Variants in SLC7A1 observed in about 807,000 individuals in gnomAD.
SLC7A1 encodes the protein solute carrier family 7 member 1.
A neutral mutation model predicts 53.9 loss-of-function variants in SLC7A1; 10 were observed. The ratio of observed to expected loss-of-function variants is 0.19; its 90% CI spans 0.11 to 0.31. SLC7A1 has a LOEUF of 0.31. SLC7A1 is among the 10% of genes least tolerant of loss of function. SLC7A1 has a pLI of 1.00. For missense variants in SLC7A1, 525 were observed against 827.2 expected, an observed-to-expected ratio of 0.63 and a Z score of 4.48; for synonymous variants, 342 against 338.7, an observed-to-expected ratio of 1.01 and a Z score of -0.11.
chr13:29,561,600 G>C (rs1222608734), intron 1 of SLC7A1, among the ~76,000 whole-genome samples: 1 of 152,156 alleles, frequency 6.6e-6, no homozygotes, highest in Non-Finnish European at 1.5e-5. Flanking sequence ...TGAGTTTTTT[G>C]TTAAAAGCAT....
chr13:29,523,195 T>TGGTTA, intron 7 of SLC7A1, 71 bp downstream of exon 7: 6 of 1,264,586 alleles, frequency 4.7e-6, no homozygotes, highest in Non-Finnish European at 5.7e-6. Flanking sequence ...TGGCTGTACC[T>TGGTTA]GGCCTGCTAT....
At chr13:29,535,335 T>C (rs1869356993) in intron 3 of SLC7A1, among the ~76,000 whole-genome samples, 1 of 152,254 alleles carries the variant, frequency 6.6e-6, no homozygotes, top group South Asian at 2.1e-4. Context: ...GTTTACTATA[T>C]ATTGTTTTAT....
chr13:29,583,599 G>A (rs1593584437), intron 1 of SLC7A1, among the ~76,000 whole-genome samples: 3 of 152,272 alleles, frequency 2.0e-5, no homozygotes, highest in Admixed American at 2.0e-4. Flanking sequence ...AAGTGACTTG[G>A]ATTTGTGCAG....
intron 2 of SLC7A1, among the ~76,000 whole-genome samples, chr13:29,542,470 G>A (rs765414368): frequency 1.3e-5 from 2 of 151,850 alleles, no homozygotes; most frequent in East Asian, 1.9e-4. Flanking sequence ...AAAAGACTAC[G>A]TGGGCTCATT....
rs1254754079 is a variant in SLC7A1 at position 29,510,312 on chromosome 13, TGAC to T, written c.*4165_*4167del. 17 of 152,734 alleles carry T rather than the reference TGAC, an allele frequency of 1.1e-4. No individual in the cohort carries two copies. Among genetic ancestry groups the T allele is most frequent in the Admixed American group, 5.9e-4 (9 of 15,298 alleles). 9.5% of individuals were successfully genotyped at this position (152,734 alleles called of 1,614,324 possible). ...ATCGAGGGGTGAAGATGGAGTCGGCTGACATTTTTTGCCTTAAAAATACATTAG... is the reference window on the plus strand; with the variant it reads ...ATCGAGGGGTGAAGATGGAGTCGGCTATTTTTTGCCTTAAAAATACATTAG... On this transcript the variant is annotated 3_prime_UTR_variant, in exon 13 of 13. Transcript: ENST00000380752.
chr13:29,565,958 C>T (rs745852549), intron 1 of SLC7A1, among the ~76,000 whole-genome samples: 2 of 152,198 alleles, frequency 1.3e-5, no homozygotes, highest in Non-Finnish European at 2.9e-5. Flanking sequence ...TCTCAAAAGG[C>T]AGTGAGTTAG....
chr13:29,514,566 C>A lies in SLC7A1; in HGVS notation c.1804G>T (p.Gly602Cys). 1 of 1,609,718 alleles carries A rather than the reference C, an allele frequency of 6.2e-7. No homozygotes were observed. The change falls in exon 13 of 13, where the codon GGC becomes TGC. Residue 602 changes from glycine to cysteine, a missense_variant. Around this residue, in one of 4 missense-constraint regions of SLC7A1, gnomAD observed 41 missense variants for 61.3 expected, o/e 0.67. Coordinates refer to ENST00000380752, the MANE Select transcript of SLC7A1 (RefSeq NM_003045.5). The stretch of plus-strand genomic sequence containing the variant: ...TCCTCGCTGTGCCACAGGCCATAGC[C>A]AAAGTAGATGATGAAGCCTGCGGGC... Reference protein sequence around the residue: ...WMLIGFIIYFGYGLWHSEEAS... With the variant: ...WMLIGFIIYFCYGLWHSEEAS...
At chr13:29,588,471 T>G (rs914512263) in intron 1 of SLC7A1, among the ~76,000 whole-genome samples, 4 of 151,426 alleles carry the variant, frequency 2.6e-5, no homozygotes, top group African/African-American at 9.7e-5. Context: ...TACCCAGGAG[T>G]TCCTTGCACT....
At chr13:29,581,587 A>G (rs1871647934) in intron 1 of SLC7A1, among the ~76,000 whole-genome samples, 1 of 152,240 alleles carries the variant, frequency 6.6e-6, no homozygotes, top group African/African-American at 2.4e-5. Context: ...ACTACAGCAT[A>G]CAGCCAAGCA....
intron 6 of SLC7A1, among the ~76,000 whole-genome samples, chr13:29,523,888 T>C (rs1330259260): frequency 2.0e-5 from 3 of 152,210 alleles, no homozygotes; most frequent in African/African-American, 7.2e-5. Context: ...CACACAGCTA[T>C]GATCCCATTC....
intron 4 of SLC7A1, among the ~76,000 whole-genome samples, chr13:29,532,170 T>C (rs1458981947): frequency 2.0e-5 from 3 of 152,240 alleles, no homozygotes; most frequent in Non-Finnish European, 2.9e-5. Flanking sequence ...AGAATTTATC[T>C]GCATTTCAGC....
At chr13:29,566,593 GTTGTGTACGGC>G in intron 1 of SLC7A1, among the ~76,000 whole-genome samples, 1 of 152,216 alleles carries the variant, frequency 6.6e-6, no homozygotes, top group Non-Finnish European at 1.5e-5. Context: ...GAAATAAGTG[GTTGTGTACGGC>G]TTGGCTACGG....
intron 1 of SLC7A1, among the ~76,000 whole-genome samples, chr13:29,587,825 C>G (rs897946688): frequency 6.6e-6 from 1 of 152,090 alleles, no homozygotes; most frequent in Non-Finnish European, 1.5e-5. Context: ...AGACAGGGGC[C>G]GGCTCCTCCC....
chr13:29,566,939 C>G (rs1393829291), intron 1 of SLC7A1, among the ~76,000 whole-genome samples: 1 of 152,180 alleles, frequency 6.6e-6, no homozygotes, highest in South Asian at 2.1e-4. Flanking sequence ...AGTCAAAACT[C>G]TACCACCCCA....
chr13:29,577,016 C>T (rs1252959932), intron 1 of SLC7A1, among the ~76,000 whole-genome samples: 1 of 152,160 alleles, frequency 6.6e-6, no homozygotes, highest in Non-Finnish European at 1.5e-5. Context: ...TTTTTAATCA[C>T]CTAAATTTAA....
In SLC7A1 at chr13:29,532,383, T is replaced by C. The variant is rs562549861; in HGVS notation, c.529+441A>G. Among the ~76,000 whole-genome samples the C allele has an allele frequency of 5.3e-5, 8 of 152,324 alleles. No homozygotes were observed. In the East Asian group the frequency reaches 1.4e-3, roughly 26 times the overall value. On this transcript the variant is annotated intron_variant, in intron 4 of 12. Transcript: ENST00000380752. ...TTAGGTGTAAAAACCATCCAAGTCA[T>C]CTTCAGACGCCCCAGGCACACATTA...
intron 2 of SLC7A1, among the ~76,000 whole-genome samples, chr13:29,551,296 G>C (rs1870172098): frequency 6.6e-6 from 1 of 152,168 alleles, no homozygotes; most frequent in Admixed American, 6.5e-5. Flanking sequence ...GAAGAGCAGG[G>C]AACAGAACAG....
At chr13:29,578,532 G>A (rs1015887883) in intron 1 of SLC7A1, among the ~76,000 whole-genome samples, 3 of 152,270 alleles carry the variant, frequency 2.0e-5, no homozygotes, top group Non-Finnish European at 2.9e-5. Flanking sequence ...AGTGTCCACC[G>A]TCTGTCCCCA....
chr13:29,536,286 C>G (rs1397301828), intron 2 of SLC7A1, 84 bp from the exon 3 acceptor site: 8 of 1,331,696 alleles, frequency 6.0e-6, no homozygotes, highest in African/African-American at 5.8e-5. Context: ...GAAACACAGA[C>G]AGTGATCAGG....
Sources: allele counts gnomAD v4.1 joint callset (sites outside exome capture counted in the v4.1 genomes callset), GRCh38; gene constraint gnomAD v4.1.1; regional missense constraint gnomAD v4.1.1; transcripts MANE v1.5; gene names NCBI Gene and HGNC (gene_info 2026-07-23, HGNC 2026-07-21).